The following RBFOX2 variants were observed in gnomAD, a reference collection of about 807,000 sequenced individuals.
The protein encoded by RBFOX2 is RNA binding fox-1 homolog 2, also known as RNA binding protein fox-1 homolog 2.
A neutral mutation model predicts 49.1 loss-of-function variants in RBFOX2; 10 were observed. The observed-to-expected ratio is 0.20, with a 90% CI of 0.13 to 0.35. The LOEUF is 0.35. RBFOX2 is among the 10% of genes least tolerant of loss of function. RBFOX2 has a pLI of 1.00. For missense variants in RBFOX2, 323 were observed against 486.9 expected (o/e 0.66, Z 3.17); for synonymous variants, 183 against 187.4 (o/e 0.98, Z 0.19).
At chr22:35,914,356 A>C (rs945320083) in intron 1 of RBFOX2, among the ~76,000 whole-genome samples, 1 of 152,190 alleles carries the variant, frequency 6.6e-6, no homozygotes, top group African/African-American at 2.4e-5. Context: ...CTAGCGATAA[A>C]ACGCCACTGG....
chr22:35,894,256 C>A lies in RBFOX2; in HGVS notation c.-34+44591G>T, dbSNP rs761669. On this transcript the variant is annotated intron_variant, in intron 1 of 13. Transcript: ENST00000359369. ...CTGCTATAGACTTGATTTCTAACTA[C>A]GGGCAAGTCACTCTTTGTGGCTTAA... is the stretch of plus-strand genomic sequence containing the variant. 8.8e-3 allele frequency among the ~76,000 whole-genome samples: 1,339 copies of A among 152,214 alleles called. 16 individuals are homozygous for A. The highest frequency in any genetic ancestry group is 0.031 in the African/African-American group (1,292 of 41,516).
chr22:36,014,025 G>T (rs1012460403), intron 1 of RBFOX2, among the ~76,000 whole-genome samples: 2 of 147,094 alleles, frequency 1.4e-5, no homozygotes, highest in Non-Finnish European at 3.0e-5. Flanking sequence ...AGTGTGATAG[G>T]TTTTTTTTTT....
intron 1 of RBFOX2, among the ~76,000 whole-genome samples, chr22:35,976,640 A>G (rs2150037723): frequency 6.6e-6 from 1 of 152,384 alleles, no homozygotes; most frequent in South Asian, 2.1e-4. Flanking sequence ...CTACATATAT[A>G]AAGAATTTCA....
intron 1 of RBFOX2, among the ~76,000 whole-genome samples, chr22:35,955,080 C>A (rs2055392398): frequency 6.6e-6 from 1 of 152,220 alleles, no homozygotes; most frequent in Admixed American, 6.5e-5. Flanking sequence ...ATGTAATCCT[C>A]TAACTCTAGC....
At chr22:35,814,729 A>G (rs1380049342) in intron 1 of RBFOX2, among the ~76,000 whole-genome samples, 1 of 150,270 alleles carries the variant, frequency 6.7e-6, no homozygotes, top group Non-Finnish European at 1.5e-5. Context: ...AAAAAAAAAA[A>G]AAAAAAAGAA....
chr22:35,940,461 A>G (rs186355974), upstream of RBFOX2, among the ~76,000 whole-genome samples: 274 of 152,358 alleles, frequency 1.8e-3, 3 homozygotes, highest in Non-Finnish European at 2.7e-3. Flanking sequence ...TGTCAAAGAC[A>G]TGGAGAAATC....
chr22:35,827,359 C>T (rs1224909989), intron 1 of RBFOX2, among the ~76,000 whole-genome samples: 2 of 152,158 alleles, frequency 1.3e-5, no homozygotes, highest in South Asian at 2.1e-4. Flanking sequence ...TCTCCTTTTC[C>T]GCAAGACCAC....
intron 2 of RBFOX2, among the ~76,000 whole-genome samples, chr22:35,799,707 G>A (rs1949422739): frequency 6.6e-6 from 1 of 152,058 alleles, no homozygotes; most frequent in South Asian, 2.1e-4. Context: ...CAGCACTCTG[G>A]GATGCTGAGG....
chr22:35,978,286 C>T (rs995437601), intron 1 of RBFOX2, among the ~76,000 whole-genome samples: 3 of 151,964 alleles, frequency 2.0e-5, no homozygotes, highest in African/African-American at 7.3e-5. Flanking sequence ...ATATGTAACA[C>T]ACACACAAAC....
upstream of RBFOX2, among the ~76,000 whole-genome samples, chr22:35,962,677 A>G (rs537927905): frequency 2.4e-4 from 37 of 152,206 alleles, no homozygotes; most frequent in African/African-American, 8.9e-4. Flanking sequence ...CACCTCATAC[A>G]CCAGCCAATT....
chr22:35,773,305 G>C (rs1056775866), intron 4 of RBFOX2, among the ~76,000 whole-genome samples: 3 of 152,164 alleles, frequency 2.0e-5, no homozygotes, highest in African/African-American at 7.2e-5. Flanking sequence ...AATGGGAATA[G>C]AAGTTTTATC....
At chr22:35,936,657 C>A (rs2041541833) in intron 1 of RBFOX2, among the ~76,000 whole-genome samples, 2 of 152,144 alleles carry the variant, frequency 1.3e-5, no homozygotes. Context: ...CAGCTTTAAA[C>A]CATGGCAAAG....
intron 1 of RBFOX2, among the ~76,000 whole-genome samples, chr22:35,814,004 C>T (rs1022873923): frequency 7.2e-4 from 109 of 152,198 alleles, no homozygotes; most frequent in African/African-American, 2.5e-3. Flanking sequence ...CAAACACAGG[C>T]TTTAAGAGTT....
intron 1 of RBFOX2, chr22:35,999,145 A>G (rs2058308522): frequency 6.6e-6 from 1 of 152,206 alleles, no homozygotes. Flanking sequence ...GTCAGAATGT[A>G]TTCAACTCAA....
chr22:35,979,371 T>C (rs1238366571), intron 1 of RBFOX2, among the ~76,000 whole-genome samples: 1 of 152,232 alleles, frequency 6.6e-6, no homozygotes, highest in Non-Finnish European at 1.5e-5. Context: ...AGTCTGTGGA[T>C]GGATGGTCGC....
At chr22:36,001,234 CTATATGTATATACATGT>C (rs2058412310) in intron 1 of RBFOX2, among the ~76,000 whole-genome samples, 1 of 107,486 alleles carries the variant, frequency 9.3e-6, no homozygotes. Flanking sequence ...CACACACACA[CTATATGTATATACATGT>C]ACACATACAT....
intron 1 of RBFOX2, among the ~76,000 whole-genome samples, chr22:35,886,368 A>G (rs1293063583): frequency 2.0e-5 from 3 of 152,228 alleles, no homozygotes; most frequent in Non-Finnish European, 4.4e-5. Context: ...AGAAAAACCT[A>G]TTAATTCTAA....
intron 1 of RBFOX2, among the ~76,000 whole-genome samples, chr22:36,012,706 A>T (rs1050978715): frequency 1.1e-4 from 16 of 152,134 alleles, no homozygotes; most frequent in African/African-American, 2.2e-4. Flanking sequence ...ATTAAGATTT[A>T]AAAAAATAGA....
chr22:35,851,574 C>A (rs1241351813), intron 1 of RBFOX2, among the ~76,000 whole-genome samples: 1 of 152,140 alleles, frequency 6.6e-6, no homozygotes, highest in East Asian at 1.9e-4. Context: ...CACCTGTAAT[C>A]CCAACACTTT....
Sources: gnomAD v4.1 joint callset for allele counts (sites outside exome capture counted in the v4.1 genomes callset) on GRCh38, gnomAD v4.1.1 for gene constraint, MANE v1.5 for transcripts, NCBI Gene and HGNC (gene_info 2026-07-23, HGNC 2026-07-21) for gene names.